ZNF254: variants seen among roughly 807,000 people sequenced by gnomAD.
ZNF254 encodes the protein CTD-2017D11.1.
A neutral mutation model predicts 12.4 loss-of-function variants in ZNF254; 10 were observed. That is an observed-to-expected ratio of 0.80 (90% CI 0.50 to 1.36). The LOEUF is 1.36. Ranked by LOEUF, ZNF254 falls within the 40% of genes most tolerant of loss-of-function variation. The pLI is 0.00. For missense variants in ZNF254, 996 were observed against 763.9 expected (o/e 1.30, Z -3.58); for synonymous variants, 305 against 253.4 (o/e 1.20, Z -1.93).
At chr19:24,051,970 T>C (rs563325318) in intron 2 of ZNF254, among the ~76,000 whole-genome samples, 1 of 152,290 alleles carries the variant, frequency 6.6e-6, no homozygotes, top group South Asian at 2.1e-4. Context: ...GTAATTTAGA[T>C]GATGTGACTC....
chr19:24,084,785 G>C (rs1759492833), upstream of ZNF254, among the ~76,000 whole-genome samples: 2 of 151,930 alleles, frequency 1.3e-5, no homozygotes, highest in Admixed American at 1.3e-4. Context: ...AGGCCACCAT[G>C]CTCAGTTAAC....
chr19:24,067,823 G>T (rs1971332816), intron 2 of ZNF254, among the ~76,000 whole-genome samples: 1 of 152,044 alleles, frequency 6.6e-6, no homozygotes, highest in African/African-American at 2.4e-5. Context: ...ACGTGTAGCT[G>T]GGTCTGCCAC....
intron 1 of ZNF254, among the ~76,000 whole-genome samples, chr19:24,100,609 T>C (rs1357487754): frequency 1.3e-5 from 2 of 151,978 alleles, no homozygotes; most frequent in Non-Finnish European, 2.9e-5. Flanking sequence ...ACCCTTAATG[T>C]ACAGTCAATC....
chr19:24,087,220 T>C lies in ZNF254; in HGVS notation c.-88T>C. The C allele has an allele frequency of 1.9e-6, 3 of 1,580,062 alleles. No individual in the cohort carries two copies. The highest frequency in any genetic ancestry group is 2.2e-5 in the South Asian group (2 of 90,352). On this transcript the variant is annotated 5_prime_UTR_variant, in exon 1 of 4. Transcript: ENST00000357002. ...CTCTCGCTGTCGCCGGAGTCCCAGG[T>C]CTGTCTTCACTGCTCTGTGTCCTCT...
At chr19:24,076,521 C>G (rs1971665153) in intron 2 of ZNF254, among the ~76,000 whole-genome samples, 2 of 152,122 alleles carry the variant, frequency 1.3e-5, no homozygotes, top group African/African-American at 4.8e-5. Flanking sequence ...ACTAAGAATG[C>G]CTAACCTGGG....
In ZNF254 at chr19:24,127,068, C is replaced by G; in HGVS notation, c.1068C>G (p.Gly356=). The part of the protein sequence containing the change: ...GEKPYKCEEC[G]KAFSQSSTLT... ...AACCCTACAAATGTGAAGAATGTGG[C>G]AAAGCTTTTAGCCAGTCCTCAACCC... The change falls in exon 4 of 4, where the codon GGC becomes GGG. Residue 356 remains glycine, a synonymous_variant. Transcript: ENST00000357002. 6.2e-7 allele frequency: 1 copy of G among 1,612,804 alleles called. No homozygotes were observed. The highest frequency in any genetic ancestry group is 1.1e-5 in the South Asian group (1 of 91,026).
chr19:24,053,770 CTT>C (rs77954041), intron 2 of ZNF254, among the ~76,000 whole-genome samples: 24,178 of 152,034 alleles, frequency 0.16, 2,084 homozygotes, highest in Middle Eastern at 0.23. Flanking sequence ...TATAACATAT[CTT>C]TTTATTCATC....
intron 2 of ZNF254, among the ~76,000 whole-genome samples, chr19:24,069,535 G>GCCACTACACTC: frequency 6.8e-6 from 1 of 147,870 alleles, no homozygotes; most frequent in Non-Finnish European, 1.5e-5. Context: ...AACCCAGGAG[G>GCCACTACACTC]CAGAGGTTGC....
Position 24,127,647 on chromosome 19 carries a change from A to G in ZNF254, c.1647A>G (p.Glu549=), listed in dbSNP as rs138077669. ...CTGAAGAGAAACCCTACAAATGTGA[A>G]AAATGTGGCAAAGCCTTTAAGCAGT... ...IHTEEKPYKC[E]KCGKAFKQSS... is the part of the protein sequence containing the mutation. The change falls in exon 4 of 4, where the codon GAA becomes GAG. Residue 549 remains glutamate, a synonymous_variant. Coordinates refer to ENST00000357002, the MANE Select transcript of ZNF254 (RefSeq NM_203282.4). 161 of 1,610,824 alleles carry G rather than the reference A, an allele frequency of 1.0e-4. No individual in the cohort carries two copies. Among genetic ancestry groups the G allele is most frequent in the Admixed American group, 2.0e-4 (12 of 59,570 alleles).
chr19:24,108,379 A>T (rs920090196), intron 3 of ZNF254, among the ~76,000 whole-genome samples: 1 of 152,194 alleles, frequency 6.6e-6, no homozygotes, highest in East Asian at 1.9e-4. Flanking sequence ...TTTAGCCAAA[A>T]ACAGTAGTTC....
At chr19:24,073,390 A>G (rs1474571625) in intron 2 of ZNF254, among the ~76,000 whole-genome samples, 1 of 152,202 alleles carries the variant, frequency 6.6e-6, no homozygotes, top group African/African-American at 2.4e-5. Flanking sequence ...AAATACATGG[A>G]CTTAGGTTCA....
At chr19:24,054,821 TTAGG>T in intron 2 of ZNF254, among the ~76,000 whole-genome samples, 1 of 152,304 alleles carries the variant, frequency 6.6e-6, no homozygotes, top group Non-Finnish European at 1.5e-5. Flanking sequence ...ATACCTGGGC[TTAGG>T]GCCACAAGTA....
intron 2 of ZNF254, among the ~76,000 whole-genome samples, chr19:24,048,234 A>G (rs1303506218): frequency 2.0e-5 from 3 of 151,606 alleles, no homozygotes; most frequent in Non-Finnish European, 4.4e-5. Context: ...CAGAGATTCA[A>G]AGCTTAGGAA....
intron 3 of ZNF254, 113 bp downstream of exon 3, chr19:24,106,756 A>C: frequency 9.9e-7 from 1 of 1,010,464 alleles, no homozygotes; most frequent in Non-Finnish European, 1.4e-6. Context: ...AGTTTCTGGG[A>C]AGCCTAAATT....
chr19:24,064,639 G>C (rs895249358), intron 2 of ZNF254: 1 of 152,188 alleles, frequency 6.6e-6, no homozygotes, highest in African/African-American at 2.4e-5. Flanking sequence ...CAATTCTTCA[G>C]CCTCAGCCCC....
chr19:24,059,385 A>C (rs917472855), intron 2 of ZNF254, among the ~76,000 whole-genome samples: 1 of 152,126 alleles, frequency 6.6e-6, no homozygotes, highest in Admixed American at 6.5e-5. Flanking sequence ...TCTCATGACT[A>C]GGCCCTGCTT....
At chr19:24,065,339 A>G (rs967152226) in intron 2 of ZNF254, 14 of 152,108 alleles carry the variant, frequency 9.2e-5, no homozygotes, top group African/African-American at 2.4e-5. Flanking sequence ...GGATTATAAC[A>G]TCTCTGGTTG....
At chr19:24,068,932 T>C (rs561712101) in intron 2 of ZNF254, among the ~76,000 whole-genome samples, 57 of 152,276 alleles carry the variant, frequency 3.7e-4, no homozygotes, top group Middle Eastern at 3.4e-3. Flanking sequence ...TAACACTCTC[T>C]CAAATATTCT....
In ZNF254 at chr19:24,129,065, G is replaced by A. The variant is rs183859302; in HGVS notation, c.*1085G>A. On this transcript the variant is annotated 3_prime_UTR_variant, in exon 4 of 4. Coordinates refer to ENST00000357002, the MANE Select transcript of ZNF254 (RefSeq NM_203282.4). ...TTATTTATGACCTTTTCTATGAAAAGATAAGGACATTAAAATGTAAGATGC... is the reference window on the plus strand; with the variant it reads ...TTATTTATGACCTTTTCTATGAAAAAATAAGGACATTAAAATGTAAGATGC... 2 of 152,012 alleles carry A rather than the reference G, an allele frequency of 1.3e-5. No individual in the cohort carries two copies. Among genetic ancestry groups the A allele is most frequent in the African/African-American group, 4.8e-5 (2 of 41,522 alleles). The allele number at this position is 152,012 out of a possible 1,614,324, so 9.4% of individuals were successfully genotyped here.
Sources: gnomAD v4.1 joint callset for allele counts (sites outside exome capture counted in the v4.1 genomes callset) on GRCh38, gnomAD v4.1.1 for gene constraint, MANE v1.5 for transcripts, NCBI Gene and HGNC (gene_info 2026-07-23, HGNC 2026-07-21) for gene names.